SCML2: variants seen among roughly 807,000 people sequenced by gnomAD.
SCML2 encodes sex comb on midleg-like protein 2.
Under a neutral mutation model 48.4 loss-of-function variants are expected in SCML2, and 6 were observed. The ratio of observed to expected loss-of-function variants is 0.12; its 90% confidence interval spans 0.07 to 0.24. SCML2 has a LOEUF of 0.24. Among genes scored for constraint, SCML2 ranks in the 10% least tolerant of loss-of-function variants. The probability of loss-of-function intolerance (pLI) is 1.00; values close to 1 mark genes in which losing one functional copy is unlikely to be tolerated. For missense variants in SCML2, 377 were observed against 528.2 expected, an observed-to-expected ratio of 0.71 and a Z score of 2.81; for synonymous variants, 181 against 189.5, an observed-to-expected ratio of 0.95 and a Z score of 0.37.
intron 7 of SCML2, 57 bp downstream of exon 7, chrX:18,304,915 G>T: frequency 8.7e-7 from 1 of 1,149,182 alleles, no homozygotes; most frequent in South Asian, 2.0e-5. Context: ...TGCCACCAAT[G>T]ACAGTTACAT....
chrX:18,259,164 G>A (rs1926968613), intron 9 of SCML2, among the ~76,000 whole-genome samples: 1 of 109,056 alleles, frequency 9.2e-6, no homozygotes, highest in African/African-American at 3.3e-5. Flanking sequence ...CTTGGGAGGC[G>A]AGGCAGAAGA....
At chrX:18,316,781 C>G (rs887506413) in intron 6 of SCML2, among the ~76,000 whole-genome samples, 1 of 112,298 alleles carries the variant, frequency 8.9e-6, no homozygotes, top group African/African-American at 3.2e-5. Context: ...ACTCGCATTA[C>G]CACCTCAGCT....
intron 7 of SCML2, among the ~76,000 whole-genome samples, chrX:18,280,839 C>T: frequency 8.9e-6 from 1 of 111,967 alleles, no homozygotes; most frequent in Admixed American, 9.5e-5. Flanking sequence ...AACACTGGAG[C>T]ACCCAGATTC....
intron 11 of SCML2, among the ~76,000 whole-genome samples, 185 bp from the exon 12 acceptor site, chrX:18,248,067 T>C (rs1926515744): frequency 8.9e-6 from 1 of 111,995 alleles, no homozygotes; most frequent in South Asian, 3.7e-4. Flanking sequence ...ATATTTTCAC[T>C]GAAATAATAT....
intron 7 of SCML2, among the ~76,000 whole-genome samples, chrX:18,282,911 C>T (rs1602103774): frequency 9.0e-6 from 1 of 110,864 alleles, no homozygotes; most frequent in Non-Finnish European, 1.9e-5. Context: ...TTCCAAAAAC[C>T]TGAGGGGGAA....
At chrX:18,331,115 C>T (rs903355016) in intron 2 of SCML2, among the ~76,000 whole-genome samples, 1 of 108,784 alleles carries the variant, frequency 9.2e-6, no homozygotes, top group African/African-American at 3.3e-5. Flanking sequence ...AAAAAATTAG[C>T]CAGGCATGGT....
At chrX:18,352,012 C>T (rs1930391631) in intron 1 of SCML2, among the ~76,000 whole-genome samples, 1 of 111,501 alleles carries the variant, frequency 9.0e-6, no homozygotes, top group Admixed American at 9.6e-5. Flanking sequence ...CGGAAACAGA[C>T]ACCAACAGCA....
At chrX:18,310,266 T>C (rs1928904752) in intron 6 of SCML2, among the ~76,000 whole-genome samples, 2 of 88,369 alleles carry the variant, frequency 2.3e-5, no homozygotes, top group Non-Finnish European at 4.5e-5. Flanking sequence ...CTCCCTTTTT[T>C]TTTTTTTTTT....
intron 7 of SCML2, among the ~76,000 whole-genome samples, chrX:18,298,258 G>GA (rs1928461376): frequency 9.0e-6 from 1 of 110,958 alleles, no homozygotes; most frequent in Admixed American, 9.6e-5. Flanking sequence ...CACAGAAATA[G>GA]AAAAAACAAT....
intron 9 of SCML2, among the ~76,000 whole-genome samples, 186 bp downstream of exon 9, chrX:18,259,985 T>C (rs1047232899): frequency 1.8e-5 from 2 of 112,238 alleles, no homozygotes; most frequent in African/African-American, 6.5e-5. Flanking sequence ...ATTTAAAGAC[T>C]TTTTCCTTAA....
At chrX:18,326,679 CAAAAAAAAAAA>C (rs368286831) in intron 3 of SCML2, among the ~76,000 whole-genome samples, 1 of 57,775 alleles carries the variant, frequency 1.7e-5, no homozygotes, top group African/African-American at 6.3e-5. Context: ...GACTCCATCT[CAAAAAAAAAAA>C]AAAAAAAGAA....
At chrX:18,323,592 T>C (rs924921028) in intron 5 of SCML2, among the ~76,000 whole-genome samples, 1 of 111,526 alleles carries the variant, frequency 9.0e-6, no homozygotes, top group African/African-American at 3.3e-5. Context: ...GTAGAGCTGG[T>C]TTTGACATTT....
At chrX:18,317,329 C>T (rs1345859146) in intron 6 of SCML2, among the ~76,000 whole-genome samples, 1 of 111,548 alleles carries the variant, frequency 9.0e-6, no homozygotes, top group East Asian at 2.8e-4. Flanking sequence ...TGGAGATGAC[C>T]CAATCATCCA....
chrX:18,277,383 T>G (rs887272516), intron 7 of SCML2, among the ~76,000 whole-genome samples: 3 of 112,350 alleles, frequency 2.7e-5, no homozygotes, highest in African/African-American at 9.7e-5. Flanking sequence ...GGAAGGAAAT[T>G]TGCAAACCTC....
rs184167230 is a variant in SCML2 at position 18,298,463 on chromosome X, C to G, written c.730+6509G>C. 2.7e-5 allele frequency among the ~76,000 whole-genome samples: 3 copies of G among 112,322 alleles called. No homozygotes were observed. The Admixed American group carries it at 2.8e-4, about 11-fold the overall frequency. ...ACCCAGAAATAAGCCCATCTATTTA[C>G]AGCTAACTGATTTTTGACAAAGGCG... is the stretch of plus-strand genomic sequence containing the variant. On this transcript the variant is annotated intron_variant, in intron 7 of 14. Coordinates refer to ENST00000251900, the MANE Select transcript of SCML2 (RefSeq NM_006089.3).
intron 1 of SCML2, among the ~76,000 whole-genome samples, chrX:18,337,085 T>C (rs1929843856): frequency 9.1e-6 from 1 of 109,887 alleles, no homozygotes; most frequent in African/African-American, 3.3e-5. Flanking sequence ...GTGGATCACC[T>C]GAGGTCAGGA....
intron 8 of SCML2, among the ~76,000 whole-genome samples, chrX:18,260,663 G>A (rs1416538468): frequency 9.1e-6 from 1 of 109,490 alleles, no homozygotes; most frequent in Non-Finnish European, 1.9e-5. Flanking sequence ...CTAACCCAGA[G>A]CAATACCTCC....
intron 1 of SCML2, among the ~76,000 whole-genome samples, chrX:18,337,417 G>A (rs1929866929): frequency 3.2e-5 from 3 of 95,125 alleles, no homozygotes. Context: ...AAGGGATGGA[G>A]AAAGTCCATG....
At position 18,352,016 on chromosome X, in the gene SCML2, A is replaced by G. The variant is rs919254184; in HGVS notation, c.-25+2576T>C. Among the ~76,000 whole-genome samples the G allele has an allele frequency of 5.4e-5, 6 of 111,760 alleles. No individual in the cohort carries two copies. In the East Asian group the frequency reaches 1.7e-3, roughly 31 times the overall value. ...TTTCACTGATGCGGAAACAGACACC[A>G]ACAGCAAAGGGAACAGGGGCAGGAA... On this transcript the variant is annotated intron_variant, in intron 1 of 14. Coordinates refer to ENST00000251900, the MANE Select transcript of SCML2 (RefSeq NM_006089.3).
Sources: allele counts gnomAD v4.1 joint callset (sites outside exome capture counted in the v4.1 genomes callset), GRCh38; gene constraint gnomAD v4.1.1; transcripts MANE v1.5; gene names NCBI Gene and HGNC (gene_info 2026-07-23, HGNC 2026-07-21).